The following ERCC3 variants were observed in gnomAD, a reference collection of about 807,000 sequenced individuals.
ERCC3 encodes the protein general transcription and DNA repair factor IIH helicase/translocase subunit XPB.
Under a neutral mutation model 94.2 loss-of-function variants are expected in ERCC3, and 66 were observed. The observed-to-expected ratio is 0.70, with a 90% confidence interval of 0.57 to 0.86. The LOEUF (loss-of-function observed/expected upper bound fraction) is 0.86, where lower values mean the gene tolerates loss of function less well. Among genes scored for constraint, ERCC3 ranks in the 40% least tolerant of loss-of-function variants. The probability of loss-of-function intolerance (pLI) is 0.00; values close to 1 mark genes in which losing one functional copy is unlikely to be tolerated. For synonymous variants in ERCC3, 349 were observed against 369.1 expected (o/e 0.95, Z 0.63); for missense variants, 829 against 987.1 (o/e 0.84, Z 2.15).
At position 127,290,292 on chromosome 2, in the gene ERCC3, T is replaced by C; in HGVS notation, c.472-19A>G. On this transcript the variant is annotated intron_variant, in intron 3 of 14. Coordinates refer to ENST00000285398, the MANE Select transcript of ERCC3 (RefSeq NM_000122.2). ...TACACAACTGCAAATACAGATAACA[T>C]CCAACAGGTAAATGTGCAGCTAACT... 6.2e-7 allele frequency: 1 copy of C among 1,605,138 alleles called. No individual in the cohort carries two copies. Among genetic ancestry groups the C allele is most frequent in the East Asian group, 2.2e-5 (1 of 44,830 alleles).
chr2:127,261,848 G>A, intron 12 of ERCC3: 1 of 192,260 alleles, frequency 5.2e-6, no homozygotes, highest in Non-Finnish European at 1.1e-5. Flanking sequence ...TCAAGGATGT[G>A]GAAAAACTAG....
intron 5 of ERCC3, 84 bp downstream of exon 5, chr2:127,289,605 G>GT (rs1290762879): frequency 8.7e-6 from 14 of 1,603,290 alleles, no homozygotes; most frequent in Middle Eastern, 2.0e-4. Context: ...CTGCTAGGTT[G>GT]TAAGTGCTGG....
chr2:127,288,514 T>C (rs1250410532), intron 7 of ERCC3, 146 bp downstream of exon 7: 8 of 803,448 alleles, frequency 1.0e-5, no homozygotes, highest in Admixed American at 5.1e-5. Context: ...CACTCAAATA[T>C]TTGTCAAGTC....
chr2:127,277,955 C>A lies in ERCC3; in HGVS notation c.1730+1218G>T, dbSNP rs1346250022. Among the ~76,000 whole-genome samples, 1 of 151,944 alleles carries A rather than the reference C, an allele frequency of 6.6e-6. No homozygotes were observed. Among genetic ancestry groups the A allele is most frequent in the Non-Finnish European group, 1.5e-5 (1 of 67,974 alleles). On this transcript the variant is annotated intron_variant, in intron 10 of 14. Coordinates refer to ENST00000285398, the MANE Select transcript of ERCC3 (RefSeq NM_000122.2). The surrounding 1 kb of genome is among the most constrained non-coding windows in gnomAD (Gnocchi z 5.1). ...AAGCTATTGCTTAGAAAGATGAAGG[C>A]TGGCCAGGTGTGGTGGCTCATGACT...
intron 4 of ERCC3, 162 bp from the exon 5 acceptor site, chr2:127,289,986 G>T: frequency 1.1e-6 from 1 of 919,186 alleles, no homozygotes; most frequent in Non-Finnish European, 1.7e-6. Flanking sequence ...TTTAACATAT[G>T]AGGGTTGTGA....
In ERCC3 at chr2:127,277,357, A is replaced by G. The variant is rs560134244; in HGVS notation, c.1730+1816T>C. The stretch of plus-strand genomic sequence containing the variant: ...CAGAAAACCAAGCAAAAACAATGAC[A>G]AGGCAATTATTAACTCCAAGGCAAA... On this transcript the variant is annotated intron_variant, in intron 10 of 14. Coordinates refer to ENST00000285398, the MANE Select transcript of ERCC3 (RefSeq NM_000122.2). This position sits in a 1 kb window ranked among gnomAD's most constrained non-coding sequence, Gnocchi z 5.1. Among the ~76,000 whole-genome samples, 6 of 152,330 alleles carry G rather than the reference A, an allele frequency of 3.9e-5. No individual in the cohort carries two copies. The highest frequency in any genetic ancestry group is 1.4e-4 in the African/African-American group (6 of 41,564).
chr2:127,264,505 A>C lies in ERCC3; in HGVS notation c.1946-3159T>G. Among the ~76,000 whole-genome samples the C allele has an allele frequency of 6.6e-6, 1 of 152,308 alleles. No homozygotes were observed. The highest frequency in any genetic ancestry group is 3.4e-3 in the Middle Eastern group (1 of 294). On this transcript the variant is annotated intron_variant, in intron 12 of 14. Transcript: ENST00000285398. This position sits in a 1 kb window ranked among gnomAD's most constrained non-coding sequence, Gnocchi z 4.4. Reference sequence around the variant, plus strand: ...ACCTTTTTCTGTGTCTATTAGGATAATTATATGCTTTTCATTTTTAATTAT... The same window carrying C: ...ACCTTTTTCTGTGTCTATTAGGATACTTATATGCTTTTCATTTTTAATTAT...
chr2:127,287,147 C>A lies in ERCC3; in HGVS notation c.1028-130G>T, dbSNP rs547974486. The A allele has an allele frequency of 3.6e-5, 25 of 696,020 alleles. 1 individual carries two copies. Among genetic ancestry groups the A allele is most frequent in the Middle Eastern group, 2.4e-4 (1 of 4,234 alleles). The allele number at this position is 696,020 out of a possible 1,614,324, so 43.1% of individuals were successfully genotyped here. ...ACAGTCCACATAGCTGACATCTGAG[C>A]GACACACACTGCTCCAGCCTGTTTT... On this transcript the variant is annotated intron_variant, in intron 7 of 14. Transcript: ENST00000285398.
chr2:127,261,589 G>A (rs1265388204), intron 12 of ERCC3: 4 of 495,116 alleles, frequency 8.1e-6, no homozygotes, highest in Non-Finnish European at 1.5e-5. Flanking sequence ...ATCTGATAAG[G>A]GATTTGTATC....
At chr2:127,265,305 C>G (rs1268615152) in intron 12 of ERCC3, among the ~76,000 whole-genome samples, 1 of 152,160 alleles carries the variant, frequency 6.6e-6, no homozygotes, top group African/African-American at 2.4e-5. Context: ...ATTTTTAAGT[C>G]TCTGAGAATC....
chr2:127,271,420 T>C lies in ERCC3; in HGVS notation c.1861A>G (p.Asn621Asp), dbSNP rs757293615. The change falls in exon 12 of 15, where the codon AAT (asparagine) becomes GAT (aspartate). Residue 621 changes from asparagine (N) to aspartate (D), a missense_variant. Coordinates refer to ENST00000285398, the MANE Select transcript of ERCC3 (RefSeq NM_000122.2). This position sits in a 1 kb window ranked among gnomAD's most constrained non-coding sequence, Gnocchi z 5.0. Reference protein sequence around the residue: ...GDTSFDLPEANVLIQISSHGG... With the variant: ...GDTSFDLPEADVLIQISSHGG... The stretch of plus-strand genomic sequence containing the variant: ...TGGGATGAGATCTGAATGAGGACAT[T>C]TGCTTCCGGCAGATCAAACGAAGTG... 6.2e-7 allele frequency: 1 copy of C among 1,614,042 alleles called. No homozygotes were observed. The highest frequency in any genetic ancestry group is 1.3e-5 in the African/African-American group (1 of 74,916).
At position 127,259,391 on chromosome 2, in the gene ERCC3, CTTCTT is replaced by C; in HGVS notation, c.2117_2121del (p.Lys706ArgfsTer14). On this transcript the variant is annotated frameshift_variant, in exon 14 of 15. Coordinates refer to ENST00000285398, the MANE Select transcript of ERCC3 (RefSeq NM_000122.2). LOFTEE classifies it high-confidence loss of function. The surrounding 1 kb of genome is among the most constrained non-coding windows in gnomAD (Gnocchi z 4.9). ...ACTTTCTGTAAGAGCTGCTGTTGCT[CTTCTT>C]TTGTCGAAAACGCCAAGTCTTCCTC... The C allele has an allele frequency of 6.2e-7, 1 of 1,614,192 alleles. No individual in the cohort carries two copies. The highest frequency in any genetic ancestry group is 8.5e-7 in the Non-Finnish European group (1 of 1,180,022).
Position 127,286,951 on chromosome 2 carries a change from C to A in ERCC3, c.1094G>T (p.Gly365Val). The A allele has an allele frequency of 6.2e-7, 1 of 1,614,092 alleles. No individual in the cohort carries two copies. Among genetic ancestry groups the A allele is most frequent in the Non-Finnish European group, 8.5e-7 (1 of 1,180,008 alleles). Residue 365 changes from glycine to valine, a missense_variant, in exon 8 of 15, where the codon GGC (glycine) becomes GTC (valine). Gly to Val is a moderately radical substitution (Grantham distance 109). Coordinates refer to ENST00000285398, the MANE Select transcript of ERCC3 (RefSeq NM_000122.2). ...CTVRKRCLVL[G>V]NSAVSVEQWK... is the part of the protein sequence containing the mutation. Reference sequence around the variant, plus strand: ...CTGCTCCACAGAAACAGCTGAGTTGCCCAGCACCAGACAGCGTTTTCTGAC... The same window carrying A: ...CTGCTCCACAGAAACAGCTGAGTTGACCAGCACCAGACAGCGTTTTCTGAC...
At position 127,288,696 on chromosome 2, in the gene ERCC3, C is replaced by T. The variant is rs745564603; in HGVS notation, c.991G>A (p.Gly331Arg). ...EKSLRKMFGN[G>R]RARSGVIVLP... ...ACAATGACCCCCGAACGTGCACGCC[C>T]GTTTCCAAACATCTTTCGCAAGCTC... is the stretch of plus-strand genomic sequence containing the variant. The change falls in exon 7 of 15, where the codon GGG (glycine) becomes AGG (arginine). Residue 331 changes from glycine (G) to arginine (R), a missense_variant. Gly to Arg is a moderately radical substitution (Grantham distance 125). Transcript: ENST00000285398. The T allele has an allele frequency of 6.2e-6, 10 of 1,614,024 alleles. No individual in the cohort carries two copies. The highest frequency in any genetic ancestry group is 2.2e-5 in the East Asian group (1 of 44,890).
chr2:127,290,003 G>T, intron 4 of ERCC3, 179 bp from the exon 5 acceptor site: 1 of 836,570 alleles, frequency 1.2e-6, no homozygotes, highest in African/African-American at 1.7e-5. Flanking sequence ...GTGACTTTGA[G>T]GTCAAGTAGG....
Position 127,277,471 on chromosome 2 carries a change from C to T in ERCC3, c.1730+1702G>A, listed in dbSNP as rs1684767045. On this transcript the variant is annotated intron_variant, in intron 10 of 14. Coordinates refer to ENST00000285398, the MANE Select transcript of ERCC3 (RefSeq NM_000122.2). This position sits in a 1 kb window ranked among gnomAD's most constrained non-coding sequence, Gnocchi z 5.1. Reference sequence around the variant, plus strand: ...CTTTGGAAGGCCGAGGCAGGCAGATCACGAGGTCAAGAGATCGAGACCATC... The same window carrying T: ...CTTTGGAAGGCCGAGGCAGGCAGATTACGAGGTCAAGAGATCGAGACCATC... Among the ~76,000 whole-genome samples, 1 of 152,152 alleles carries T rather than the reference C, an allele frequency of 6.6e-6. No individual in the cohort carries two copies. The highest frequency in any genetic ancestry group is 2.4e-5 in the African/African-American group (1 of 41,444).
Position 127,279,037 on chromosome 2 carries a change from G to C in ERCC3, c.1730+136C>G, listed in dbSNP as rs1195836394. The C allele has an allele frequency of 1.4e-6, 1 of 700,724 alleles. No individual in the cohort carries two copies. Among genetic ancestry groups the C allele is most frequent in the Non-Finnish European group, 2.5e-6 (1 of 392,812 alleles). 43.4% of individuals were successfully genotyped at this position (700,724 alleles called of 1,614,324 possible). On this transcript the variant is annotated intron_variant, in intron 10 of 14. Transcript: ENST00000285398. This position sits in a 1 kb window ranked among gnomAD's most constrained non-coding sequence, Gnocchi z 4.7. ...AGGTCTTCCCTGGTTTCTGAGACCA[G>C]GGCCACAGAACAAGATCTTTGGAGC... is the stretch of plus-strand genomic sequence containing the variant.
Position 127,271,242 on chromosome 2 carries a change from A to G in ERCC3, c.1945+94T>C. ...CTCCCTCCAGAGTCTATTTAGCCCC[A>G]GGGCACATGGCAGCTCTCACCCCTA... is the stretch of plus-strand genomic sequence containing the variant. On this transcript the variant is annotated intron_variant, in intron 12 of 14. Coordinates refer to ENST00000285398, the MANE Select transcript of ERCC3 (RefSeq NM_000122.2). The surrounding 1 kb of genome is among the most constrained non-coding windows in gnomAD (Gnocchi z 5.0). 1.2e-6 allele frequency: 1 copy of G among 864,306 alleles called. No homozygotes were observed. The highest frequency in any genetic ancestry group is 2.0e-6 in the Non-Finnish European group (1 of 498,238). 53.5% of individuals were successfully genotyped at this position (864,306 alleles called of 1,614,324 possible). A position where few individuals can be genotyped will look rare whatever the true frequency, so the allele number is the denominator to read the frequency against.
intron 8 of ERCC3, chr2:127,281,072 T>G (rs1684893471): frequency 2.4e-6 from 1 of 418,104 alleles, no homozygotes. Context: ...CAGTTATCAG[T>G]AGAAGTACAG....
Sources: allele counts gnomAD v4.1 joint callset (sites outside exome capture counted in the v4.1 genomes callset), GRCh38; gene constraint gnomAD v4.1.1; non-coding constraint Gnocchi (gnomAD v3.1); transcripts MANE v1.5; gene names NCBI Gene and HGNC (gene_info 2026-07-23, HGNC 2026-07-21).